The following NTM variants were observed in gnomAD, a reference collection of about 807,000 sequenced individuals.
NTM encodes IgLON family member 2.
In NTM, 13 loss-of-function variants were observed where a neutral mutation model predicts 42.1. The observed-to-expected ratio is 0.31, with a 90% CI of 0.20 to 0.49. The LOEUF (loss-of-function observed/expected upper bound fraction) is 0.49, where lower values mean the gene tolerates loss of function less well. NTM is among the 20% of genes least tolerant of loss of function. The pLI, the probability that NTM is intolerant of heterozygous loss-of-function variation, is 0.99. For missense variants in NTM, 373 were observed against 452.8 expected (o/e 0.82, Z 1.60); for synonymous variants, 187 against 179.2 (o/e 1.04, Z -0.35).
Position 131,678,919 on chromosome 11 carries a change from C to T in NTM, c.83-232645C>T, listed in dbSNP as rs548220156. Among the ~76,000 whole-genome samples the T allele has an allele frequency of 8.5e-5, 13 of 152,368 alleles. No individual in the cohort carries two copies. In the East Asian group the frequency reaches 2.5e-3, roughly 29 times the overall value. ...CCCACAAGCAGCTACCTTCGGCTAA[C>T]ACGTCCGTCTTCTTGCACACAGCTT... On this transcript the variant is annotated intron_variant, in intron 1 of 8. Transcript: ENST00000683400.
At chr11:131,733,328 C>T (rs1237824890) in intron 1 of NTM, among the ~76,000 whole-genome samples, 1 of 152,144 alleles carries the variant, frequency 6.6e-6, no homozygotes, top group Non-Finnish European at 1.5e-5. Context: ...TAGTCCAGTC[C>T]TCTCTTTCAT....
intron 1 of NTM, among the ~76,000 whole-genome samples, chr11:131,815,716 G>A (rs2092925810): frequency 1.3e-5 from 2 of 152,134 alleles, no homozygotes; most frequent in Non-Finnish European, 2.9e-5. Context: ...TCAGCAGAAG[G>A]GCCTAAATTG....
At chr11:131,715,141 C>T (rs1690151078) in intron 1 of NTM, among the ~76,000 whole-genome samples, 1 of 152,142 alleles carries the variant, frequency 6.6e-6, no homozygotes, top group Non-Finnish European at 1.5e-5. Flanking sequence ...GGCCAGGCCA[C>T]CTCAGATATG....
intron 7 of NTM, among the ~76,000 whole-genome samples, chr11:132,328,548 ATTC>A (rs1000914224): frequency 1.2e-4 from 18 of 152,130 alleles, no homozygotes; most frequent in South Asian, 8.3e-4. Context: ...CTTTCAATGC[ATTC>A]TTCTTTCTGA....
chr11:131,564,641 A>G (rs1211520623), intron 1 of NTM, among the ~76,000 whole-genome samples: 1 of 152,186 alleles, frequency 6.6e-6, no homozygotes, highest in Non-Finnish European at 1.5e-5. Context: ...TAACAAATAT[A>G]TCCATCACCT....
intron 1 of NTM, among the ~76,000 whole-genome samples, chr11:131,466,103 C>A (rs117637384): frequency 1.3e-5 from 2 of 152,162 alleles, no homozygotes; most frequent in Admixed American, 1.3e-4. Context: ...TGAGCAGGTG[C>A]GTGATCTATT....
intron 2 of NTM, among the ~76,000 whole-genome samples, chr11:131,971,604 C>T (rs1420894315): frequency 6.6e-6 from 1 of 152,088 alleles, no homozygotes; most frequent in Non-Finnish European, 1.5e-5. Context: ...TGGAACCAAC[C>T]TGCCTGGGTC....
intron 1 of NTM, among the ~76,000 whole-genome samples, chr11:131,855,273 G>A (rs1238965583): frequency 1.3e-5 from 2 of 152,170 alleles, no homozygotes; most frequent in Admixed American, 6.5e-5. Flanking sequence ...AAAAGAAAAC[G>A]AATGGAATGA....
chr11:132,099,307 G>A (rs2061374425), intron 2 of NTM, among the ~76,000 whole-genome samples: 1 of 152,226 alleles, frequency 6.6e-6, no homozygotes, highest in Non-Finnish European at 1.5e-5. Flanking sequence ...TTTGGAAAGT[G>A]TCTTGGAGGT....
chr11:132,024,386 C>T (rs1257015040), intron 2 of NTM, among the ~76,000 whole-genome samples: 3 of 152,162 alleles, frequency 2.0e-5, no homozygotes, highest in Non-Finnish European at 4.4e-5. Flanking sequence ...GATGCTCAAA[C>T]CCCTTACCTA....
intron 4 of NTM, among the ~76,000 whole-genome samples, chr11:132,231,051 G>A (rs927031900): frequency 6.6e-6 from 1 of 152,202 alleles, no homozygotes; most frequent in African/African-American, 2.4e-5. Context: ...AAGTGTCAGA[G>A]TGGTGACATC....
At chr11:132,185,160 CA>C (rs1285689953) in intron 3 of NTM, among the ~76,000 whole-genome samples, 1 of 152,200 alleles carries the variant, frequency 6.6e-6, no homozygotes, top group African/African-American at 2.4e-5. Context: ...AGACATTTCA[CA>C]CTGAAACATC....
At chr11:132,012,651 TTTC>T (rs1318977574) in intron 2 of NTM, among the ~76,000 whole-genome samples, 1 of 152,228 alleles carries the variant, frequency 6.6e-6, no homozygotes, top group Non-Finnish European at 1.5e-5. Context: ...TTTTGAGTTA[TTTC>T]TTAATTCCTC....
chr11:131,566,176 C>T (rs748632410), intron 1 of NTM, among the ~76,000 whole-genome samples: 30 of 152,280 alleles, frequency 2.0e-4, no homozygotes, highest in South Asian at 6.2e-4. Context: ...AGATCTATCA[C>T]GGCGCTTATG....
At chr11:131,884,724 G>A (rs976363266) in intron 1 of NTM, among the ~76,000 whole-genome samples, 3 of 152,162 alleles carry the variant, frequency 2.0e-5, no homozygotes, top group Non-Finnish European at 2.9e-5. Flanking sequence ...GAAGAGGCTC[G>A]CCATCCTATC....
At chr11:131,960,027 A>T (rs956386681) in intron 2 of NTM, among the ~76,000 whole-genome samples, 8 of 152,340 alleles carry the variant, frequency 5.3e-5, no homozygotes, top group African/African-American at 1.9e-4. Context: ...TGTGTTATCC[A>T]TAACAATCCT....
chr11:131,552,345 T>C (rs1394669386), intron 1 of NTM, among the ~76,000 whole-genome samples: 1 of 152,066 alleles, frequency 6.6e-6, no homozygotes, highest in Non-Finnish European at 1.5e-5. Context: ...ACTTAAGATA[T>C]GCATGCCATA....
intron 4 of NTM, among the ~76,000 whole-genome samples, chr11:132,299,156 G>A (rs571730878): frequency 2.2e-4 from 34 of 152,152 alleles, no homozygotes; most frequent in African/African-American, 7.5e-4. Flanking sequence ...TTAGCTGGGC[G>A]TGGTGGCAGG....
rs536339923 is a variant in NTM at position 132,307,682 on chromosome 11, C to T, written c.527-7C>T. The T allele has an allele frequency of 1.5e-4, 246 of 1,613,868 alleles. 3 individuals carry two copies. The South Asian group carries it at 2.2e-3, about 14-fold the overall frequency. On this transcript the variant is annotated splice_region_variant and splice_polypyrimidine_tract_variant and intron_variant, in intron 4 of 8. Transcript: ENST00000683400. ...TATTTCACCACACGTTACCGGTTTT[C>T]CCGCAGCGGTTGGCTTTGTGAGTGA...
Sources: gnomAD v4.1 joint callset for allele counts (sites outside exome capture counted in the v4.1 genomes callset) on GRCh38, gnomAD v4.1.1 for gene constraint, MANE v1.5 for transcripts, NCBI Gene and HGNC (gene_info 2026-07-23, HGNC 2026-07-21) for gene names.